SNTG1: variants seen among roughly 807,000 people sequenced by gnomAD.
SNTG1 encodes the protein syntrophin gamma 1.
A neutral mutation model predicts 74.7 loss-of-function variants in SNTG1; 39 were observed. The observed-to-expected ratio is 0.52, with a 90% CI of 0.40 to 0.68. SNTG1 has a LOEUF of 0.68. SNTG1 is among the 30% of genes least tolerant of loss of function. The pLI is 0.00. For synonymous variants in SNTG1, 254 were observed against 217.1 expected (o/e 1.17, Z -1.49); for missense variants, 685 against 609.5 (o/e 1.12, Z -1.30).
intron 1 of SNTG1, among the ~76,000 whole-genome samples, chr8:50,019,013 A>C (rs572944240): frequency 2.6e-5 from 4 of 152,138 alleles, no homozygotes; most frequent in African/African-American, 9.6e-5. Flanking sequence ...CCTAGCAAAA[A>C]TAGAGATAGA....
At chr8:50,785,427 G>A (rs1188838138) in intron 18 of SNTG1, among the ~76,000 whole-genome samples, 1 of 151,920 alleles carries the variant, frequency 6.6e-6, no homozygotes, top group African/African-American at 2.4e-5. Flanking sequence ...TTAATGAAGT[G>A]TGTAAACTCT....
chr8:50,687,290 G>A (rs1370786485), intron 15 of SNTG1, among the ~76,000 whole-genome samples: 1 of 151,952 alleles, frequency 6.6e-6, no homozygotes, highest in African/African-American at 2.4e-5. Flanking sequence ...CTAAGTAGCA[G>A]TAGTAAATCC....
intron 8 of SNTG1, among the ~76,000 whole-genome samples, chr8:50,493,576 G>C (rs190636584): frequency 7.9e-5 from 12 of 152,154 alleles, no homozygotes; most frequent in Admixed American, 7.9e-4. Context: ...ACTTTGACTT[G>C]AGTGGTGTTG....
intron 1 of SNTG1, among the ~76,000 whole-genome samples, chr8:50,015,828 CA>C (rs796687170): frequency 6.6e-6 from 1 of 151,926 alleles, no homozygotes; most frequent in Non-Finnish European, 1.5e-5. Context: ...ACATTCTCTG[CA>C]AAAAAATGGT....
At chr8:50,152,698 T>G (rs1311561366) in intron 1 of SNTG1, among the ~76,000 whole-genome samples, 1 of 152,214 alleles carries the variant, frequency 6.6e-6, no homozygotes, top group Non-Finnish European at 1.5e-5. Context: ...AATTCTGGGT[T>G]GAAAATTATT....
intron 17 of SNTG1, among the ~76,000 whole-genome samples, chr8:50,750,468 G>A (rs2095564798): frequency 6.6e-6 from 1 of 152,042 alleles, no homozygotes; most frequent in Non-Finnish European, 1.5e-5. Context: ...CAGAAATTCT[G>A]TGGGTAAAAT....
chr8:50,656,945 G>C lies in SNTG1; in HGVS notation c.886G>C (p.Asp296His). 6.2e-7 allele frequency: 1 copy of C among 1,603,894 alleles called. No homozygotes were observed. Among genetic ancestry groups the C allele is most frequent in the Non-Finnish European group, 8.5e-7 (1 of 1,174,684 alleles). Reference sequence around the variant, plus strand: ...GGGCTGGTGTGAAGCCCGGGAGCAAGACCCCCTCCAGGACAGAGTGTACTC... The same window carrying C: ...GGGCTGGTGTGAAGCCCGGGAGCAACACCCCCTCCAGGACAGAGTGTACTC... Reference protein sequence around the residue: ...YMGWCEAREQDPLQDRVYSPT... With the variant: ...YMGWCEAREQHPLQDRVYSPT... The change falls in exon 14 of 19, where the codon GAC (aspartate) becomes CAC (histidine). Residue 296 changes from aspartate (D) to histidine (H), a missense_variant. Physicochemically the swap from Asp to His is moderately conservative, Grantham distance 81 (BLOSUM62 -1). Coordinates refer to ENST00000642720, the MANE Select transcript of SNTG1 (RefSeq NM_018967.5).
intron 1 of SNTG1, among the ~76,000 whole-genome samples, chr8:50,158,758 T>C: frequency 6.6e-6 from 1 of 152,190 alleles, no homozygotes; most frequent in Non-Finnish European, 1.5e-5. Context: ...TTTGCTATGA[T>C]AAAGATGCTT....
At chr8:50,586,322 A>C (rs2130849790) in intron 12 of SNTG1, among the ~76,000 whole-genome samples, 1 of 152,316 alleles carries the variant, frequency 6.6e-6, no homozygotes, top group African/African-American at 2.4e-5. Context: ...AAATGAAGGG[A>C]TCTAGATATT....
intron 10 of SNTG1, among the ~76,000 whole-genome samples, 177 bp from the exon 11 acceptor site, chr8:50,536,501 A>T (rs1445875620): frequency 6.6e-6 from 1 of 152,230 alleles, no homozygotes; most frequent in African/African-American, 2.4e-5. Context: ...CTGTTAATAA[A>T]TAAGTTAACC....
At chr8:50,466,914 A>G (rs1454645011) in intron 8 of SNTG1, among the ~76,000 whole-genome samples, 1 of 151,954 alleles carries the variant, frequency 6.6e-6, no homozygotes, top group Non-Finnish European at 1.5e-5. Context: ...ATTAGTTCTA[A>G]GAGGTGTCGT....
intron 2 of SNTG1, among the ~76,000 whole-genome samples, chr8:50,216,581 T>C (rs532044458): frequency 3.3e-5 from 5 of 152,264 alleles, no homozygotes; most frequent in African/African-American, 1.2e-4. Context: ...AAATTTGCTT[T>C]AGATTTTATC....
chr8:50,657,964 A>G (rs747648223), intron 14 of SNTG1, among the ~76,000 whole-genome samples: 1 of 152,168 alleles, frequency 6.6e-6, no homozygotes, highest in Non-Finnish European at 1.5e-5. Context: ...TTTAGAAATC[A>G]TCAGGTCTAA....
rs151336038 is a variant in SNTG1, at chr8:50,789,945, C to T, written c.1396-2726C>T. Among the ~76,000 whole-genome samples the T allele has an allele frequency of 4.3e-4, 66 of 152,080 alleles. 3 individuals are homozygous for T. The East Asian group carries it at 0.013, about 29-fold the overall frequency. On this transcript the variant is annotated intron_variant, in intron 18 of 18. Transcript: ENST00000642720. ...TCCATTCCACACAAAATAACCCTTG[C>T]TTTTCTTCTGACTCTCCTGGAATGT...
Position 50,049,702 on chromosome 8 carries a change from C to T in SNTG1, c.-102-122859C>T, listed in dbSNP as rs201850614. 2.0e-4 allele frequency among the ~76,000 whole-genome samples: 30 copies of T among 152,028 alleles called. 2 individuals are homozygous for T. The East Asian group carries it at 4.3e-3, about 22-fold the overall frequency. On this transcript the variant is annotated intron_variant, in intron 1 of 18. Coordinates refer to ENST00000642720, the MANE Select transcript of SNTG1 (RefSeq NM_018967.5). ...GGCAGAATCCACAATAGACTACATT[C>T]GGGGCCATAAAGTACATCTTAACAA...
chr8:50,609,076 T>G (rs1371948209), intron 13 of SNTG1, among the ~76,000 whole-genome samples: 1 of 152,068 alleles, frequency 6.6e-6, no homozygotes, highest in Non-Finnish European at 1.5e-5. Flanking sequence ...GCAATCTCAT[T>G]CTTTAAGTTA....
chr8:50,042,461 T>G (rs1818720849), intron 1 of SNTG1, among the ~76,000 whole-genome samples: 1 of 152,170 alleles, frequency 6.6e-6, no homozygotes, highest in South Asian at 2.1e-4. Context: ...CAGTTGAGAC[T>G]GAGGTAGGAG....
chr8:50,150,417 C>A (rs2082025923), intron 1 of SNTG1, among the ~76,000 whole-genome samples: 1 of 152,196 alleles, frequency 6.6e-6, no homozygotes. Context: ...CTGGCCAGAA[C>A]TTCCAACACT....
At chr8:50,484,445 C>T (rs2093772640) in intron 8 of SNTG1, among the ~76,000 whole-genome samples, 1 of 151,572 alleles carries the variant, frequency 6.6e-6, no homozygotes, top group South Asian at 2.1e-4. Context: ...AAACTCATGA[C>T]CTCAGATGAT....
Sources: allele counts gnomAD v4.1 joint callset (sites outside exome capture counted in the v4.1 genomes callset), GRCh38; gene constraint gnomAD v4.1.1; transcripts MANE v1.5; gene names NCBI Gene and HGNC (gene_info 2026-07-23, HGNC 2026-07-21).